The following BIVM variants were observed in gnomAD, a reference collection of about 807,000 sequenced individuals.
BIVM encodes the protein basic immunoglobulin-like variable motif-containing protein.
A neutral mutation model predicts 61.4 loss-of-function variants in BIVM; 31 were observed. That is an observed-to-expected ratio of 0.51 (90% CI 0.38 to 0.68). The LOEUF (loss-of-function observed/expected upper bound fraction) is 0.68. Ranked by LOEUF, BIVM falls within the 30% of genes least tolerant of loss-of-function variation. The probability of loss-of-function intolerance (pLI) is 0.00; values close to 1 mark genes in which losing one functional copy is unlikely to be tolerated. For synonymous variants in BIVM, 189 were observed against 210.7 expected (o/e 0.90, Z 0.89); for missense variants, 526 against 596.0 (o/e 0.88, Z 1.22).
chr13:102,829,396 T>C (rs1289556522), intron 7 of BIVM, among the ~76,000 whole-genome samples: 2 of 152,142 alleles, frequency 1.3e-5, no homozygotes, highest in Non-Finnish European at 2.9e-5. Context: ...CATTTGGTGG[T>C]GGTTGCTTTG....
Position 102,807,157 on chromosome 13 carries a change from G to T in BIVM, c.-111G>T, listed in dbSNP as rs1313996097. The T allele has an allele frequency of 2.6e-6, 3 of 1,148,272 alleles. No individual in the cohort carries two copies. The highest frequency in any genetic ancestry group is 3.1e-5 in the African/African-American group (2 of 64,402). 71.1% of individuals were successfully genotyped at this position (1,148,272 alleles called of 1,614,324 possible). A position where few individuals can be genotyped will look rare whatever the true frequency, so the allele number is the denominator to read the frequency against. On this transcript the variant is annotated 5_prime_UTR_variant, in exon 3 of 11. Transcript: ENST00000257336. This position sits in a 1 kb window ranked among gnomAD's most constrained non-coding sequence, Gnocchi z 4.0. ...TTCCTTCCTCTTAGGAGCTCATTTT[G>T]CAGCTCTCAAGCTTTTATAGCATGC...
rs1878592527 is a variant in BIVM at position 102,799,483 on chromosome 13, C to T, written c.-245C>T. 1 of 152,240 alleles carries T rather than the reference C, an allele frequency of 6.6e-6. No homozygotes were observed. Among genetic ancestry groups the T allele is most frequent in the African/African-American group, 2.4e-5 (1 of 41,464 alleles). 9.4% of individuals were successfully genotyped at this position (152,240 alleles called of 1,614,324 possible). On this transcript the variant is annotated 5_prime_UTR_variant, in exon 1 of 11. Transcript: ENST00000257336. ...ATCCAGGTCCGGAGCCGGGTTCCGC[C>T]GCGGCCGCAGCGACCCGACCCCACC...
At chr13:102,832,671 A>T (rs188567037) in intron 8 of BIVM, among the ~76,000 whole-genome samples, 1 of 152,366 alleles carries the variant, frequency 6.6e-6, no homozygotes, top group East Asian at 1.9e-4. Context: ...AAAGTGAAGA[A>T]TATGGAATTT....
At chr13:102,801,801 G>GT (rs1878770550) in intron 1 of BIVM, 1 of 152,238 alleles carries the variant, frequency 6.6e-6, no homozygotes, top group African/African-American at 2.4e-5. Flanking sequence ...TAAGACCTGT[G>GT]TGAGGAAGGT....
Position 102,831,714 on chromosome 13 carries a change from T to C in BIVM, c.1034+17T>C. ...AGCATTCAGGTAAGCATTGACGTGTTTTAGAAAGTGCATTTTAAGAAATAT... is the reference window on the plus strand; with the variant it reads ...AGCATTCAGGTAAGCATTGACGTGTCTTAGAAAGTGCATTTTAAGAAATAT... On this transcript the variant is annotated intron_variant, in intron 8 of 10. Transcript: ENST00000257336. 6.2e-7 allele frequency: 1 copy of C among 1,613,628 alleles called. No homozygotes were observed. The highest frequency in any genetic ancestry group is 8.5e-7 in the Non-Finnish European group (1 of 1,179,784).
At chr13:102,822,989 T>C (rs1880401699) in intron 7 of BIVM, among the ~76,000 whole-genome samples, 1 of 151,824 alleles carries the variant, frequency 6.6e-6, no homozygotes, top group Admixed American at 6.6e-5. Flanking sequence ...GGGTCAAGGG[T>C]ATGGGGATTC....
intron 1 of BIVM, among the ~76,000 whole-genome samples, chr13:102,802,448 A>G (rs182404177): frequency 6.6e-6 from 1 of 152,120 alleles, no homozygotes; most frequent in Non-Finnish European, 1.5e-5. Flanking sequence ...GGATTTGGGT[A>G]ATTTCCATTT....
Position 102,807,744 on chromosome 13 carries a change from A to T in BIVM, c.477A>T (p.Ser159=). 1 of 1,603,668 alleles carries T rather than the reference A, an allele frequency of 6.2e-7. No homozygotes were observed. The highest frequency in any genetic ancestry group is 2.2e-5 in the East Asian group (1 of 44,786). ...DGVTTNSKHK[S]GNAKKQVSKR... ...TGACCACAAATTCGAAACACAAATC[A>T]GGTAAGGAGGGAGCCATGAAGTTCA... Residue 159 remains serine, a splice_region_variant and synonymous_variant, in exon 3 of 11, where the codon TCA becomes TCT. Transcript: ENST00000257336. This position sits in a 1 kb window ranked among gnomAD's most constrained non-coding sequence, Gnocchi z 4.0.
intron 4 of BIVM, 61 bp from the exon 5 acceptor site, chr13:102,820,976 A>T: frequency 1.3e-6 from 2 of 1,502,134 alleles, no homozygotes; most frequent in Non-Finnish European, 1.8e-6. Context: ...TGAGTTTTCT[A>T]TTTCTAGCAT....
chr13:102,820,925 G>T, intron 4 of BIVM, 112 bp from the exon 5 acceptor site: 2 of 924,702 alleles, frequency 2.2e-6, no homozygotes, highest in South Asian at 1.5e-5. Context: ...CATTGACTTA[G>T]GGGATCAAAG....
chr13:102,813,655 A>T (rs1879652760), intron 3 of BIVM, among the ~76,000 whole-genome samples: 1 of 152,148 alleles, frequency 6.6e-6, no homozygotes. Flanking sequence ...ATTGTATCCT[A>T]GAGAGTGGGA....
intron 7 of BIVM, among the ~76,000 whole-genome samples, chr13:102,824,034 G>C (rs1423293116): frequency 1.3e-5 from 2 of 152,278 alleles, no homozygotes; most frequent in African/African-American, 4.8e-5. Flanking sequence ...ACTTCCACAG[G>C]ATGTGCCAAA....
intron 4 of BIVM, among the ~76,000 whole-genome samples, chr13:102,819,033 A>G (rs1336245653): frequency 1.3e-5 from 2 of 152,242 alleles, no homozygotes; most frequent in Non-Finnish European, 2.9e-5. Context: ...GAAAAAAAAA[A>G]TCAGTAAATG....
intron 2 of BIVM, among the ~76,000 whole-genome samples, chr13:102,806,935 G>T (rs1217188228): frequency 1.3e-5 from 2 of 151,948 alleles, no homozygotes; most frequent in Non-Finnish European, 2.9e-5. Context: ...TGGGCTATTT[G>T]CTTTTTAATT....
At chr13:102,808,603 G>T (rs1393168250) in intron 3 of BIVM, among the ~76,000 whole-genome samples, 1 of 152,070 alleles carries the variant, frequency 6.6e-6, no homozygotes, top group Middle Eastern at 3.2e-3. Context: ...GTCTAAATTT[G>T]TAGGTAATGA....
chr13:102,814,910 C>T (rs9518844), intron 3 of BIVM, among the ~76,000 whole-genome samples: 53,716 of 151,808 alleles, frequency 0.35, 11,526 homozygotes, highest in Non-Finnish European at 0.49. Context: ...TGGGCATGGT[C>T]GCACGCACTT....
At chr13:102,831,722 G>C (rs1881082190) in intron 8 of BIVM, 25 bp downstream of exon 8, 1 of 1,613,044 alleles carries the variant, frequency 6.2e-7, no homozygotes, top group African/African-American at 1.3e-5. Flanking sequence ...GTTTTAGAAA[G>C]TGCATTTTAA....
intron 9 of BIVM, among the ~76,000 whole-genome samples, chr13:102,835,068 A>T (rs1450229544): frequency 1.3e-5 from 2 of 152,154 alleles, no homozygotes; most frequent in African/African-American, 4.8e-5. Flanking sequence ...ATTAAAATAT[A>T]ATTCACATAC....
intron 7 of BIVM, among the ~76,000 whole-genome samples, chr13:102,830,167 G>T (rs1052372251): frequency 3.9e-5 from 6 of 152,028 alleles, no homozygotes; most frequent in African/African-American, 1.4e-4. Context: ...TGAATTCTAT[G>T]CCCCTTTTGT....
Sources: gnomAD v4.1 joint callset for allele counts (sites outside exome capture counted in the v4.1 genomes callset) on GRCh38, gnomAD v4.1.1 for gene constraint, Gnocchi (gnomAD v3.1) non-coding constraint, MANE v1.5 for transcripts, NCBI Gene and HGNC (gene_info 2026-07-23, HGNC 2026-07-21) for gene names.